EIF4EBP1: variants seen among roughly 807,000 people sequenced by gnomAD.
EIF4EBP1 encodes the protein eukaryotic translation initiation factor 4E binding protein 1, also known as eukaryotic translation initiation factor 4E-binding protein 1.
EIF4EBP1 carries 5 observed loss-of-function variants against 9.2 expected under a neutral mutation model. The ratio of observed to expected loss-of-function variants is 0.54; its 90% CI spans 0.28 to 1.14. EIF4EBP1 has a LOEUF of 1.14. Ranked by LOEUF, EIF4EBP1 falls within the 50% of genes most tolerant of loss-of-function variation. The pLI, the probability that EIF4EBP1 is intolerant of heterozygous loss-of-function variation, is 0.09. For missense variants in EIF4EBP1, 139 were observed against 169.6 expected (o/e 0.82, Z 1.00); for synonymous variants, 62 against 67.0 (o/e 0.93, Z 0.36).
At chr8:38,053,857 A>T (rs934791765) in intron 1 of EIF4EBP1, among the ~76,000 whole-genome samples, 9 of 152,208 alleles carry the variant, frequency 5.9e-5, no homozygotes, top group Admixed American at 3.3e-4. Context: ...AGTCAAATTC[A>T]GAGAGACAGA....
At chr8:38,041,128 A>C (rs908395654) in intron 1 of EIF4EBP1, among the ~76,000 whole-genome samples, 5 of 151,742 alleles carry the variant, frequency 3.3e-5, no homozygotes, top group African/African-American at 1.2e-4. Flanking sequence ...GTTTGACAGA[A>C]TCTGGCTCTG....
At chr8:38,032,168 A>G (rs1809234388) in intron 1 of EIF4EBP1, among the ~76,000 whole-genome samples, 1 of 151,656 alleles carries the variant, frequency 6.6e-6, no homozygotes, top group Admixed American at 6.6e-5. Flanking sequence ...CCTTTTTTGC[A>G]CTCTTTATTG....
intron 1 of EIF4EBP1, among the ~76,000 whole-genome samples, chr8:38,040,583 A>G (rs1809363840): frequency 6.6e-6 from 1 of 152,182 alleles, no homozygotes; most frequent in Non-Finnish European, 1.5e-5. Flanking sequence ...GGCTGCATAC[A>G]GTGTACAGCT....
At position 38,056,730 on chromosome 8, in the gene EIF4EBP1, A is replaced by G. The variant is rs191719354; in HGVS notation, c.146-351A>G. Among the ~76,000 whole-genome samples, 385 of 151,098 alleles carry G rather than the reference A, an allele frequency of 2.5e-3. 3 individuals are homozygous for G. Among genetic ancestry groups the G allele is most frequent in the African/African-American group, 9.1e-3 (375 of 41,092 alleles). On this transcript the variant is annotated intron_variant, in intron 1 of 2. Coordinates refer to ENST00000338825, the MANE Select transcript of EIF4EBP1 (RefSeq NM_004095.4). Reference sequence around the variant, plus strand: ...ACCCAGGCTGGTGTACAGTGGTGCAATCGGCTCACTGCAACCTCTGCCTCC... The same window carrying G: ...ACCCAGGCTGGTGTACAGTGGTGCAGTCGGCTCACTGCAACCTCTGCCTCC...
At chr8:38,048,505 C>T (rs895743210) in intron 1 of EIF4EBP1, among the ~76,000 whole-genome samples, 1 of 152,178 alleles carries the variant, frequency 6.6e-6, no homozygotes, top group Non-Finnish European at 1.5e-5. Context: ...AGGTCTTGCA[C>T]ACAGTTGGAC....
rs534611466 is a variant in EIF4EBP1, at chr8:38,053,507, C to T, written c.146-3574C>T. ...CTGGGATTACAGGTGTGTGCCACCA[C>T]GCCTGGCTAATTTTTGTATTTTTGG... On this transcript the variant is annotated intron_variant, in intron 1 of 2. Coordinates refer to ENST00000338825, the MANE Select transcript of EIF4EBP1 (RefSeq NM_004095.4). Among the ~76,000 whole-genome samples the T allele has an allele frequency of 5.3e-5, 8 of 152,290 alleles. No individual in the cohort carries two copies. In the South Asian group the frequency reaches 8.3e-4, roughly 16 times the overall value.
At chr8:38,036,432 G>A (rs557349693) in intron 1 of EIF4EBP1, among the ~76,000 whole-genome samples, 7 of 152,198 alleles carry the variant, frequency 4.6e-5, no homozygotes, top group African/African-American at 1.4e-4. Flanking sequence ...AGACTCACTC[G>A]AACGATTCTG....
chr8:38,046,587 A>C (rs1257369734), intron 1 of EIF4EBP1, among the ~76,000 whole-genome samples: 1 of 152,104 alleles, frequency 6.6e-6, no homozygotes, highest in Non-Finnish European at 1.5e-5. Flanking sequence ...TGTCACCTGG[A>C]CCCTGCAGGT....
At position 38,043,872 on chromosome 8, in the gene EIF4EBP1, C is replaced by T. The variant is rs531753429; in HGVS notation, c.145+13154C>T. 5.3e-5 allele frequency among the ~76,000 whole-genome samples: 8 copies of T among 152,216 alleles called. No individual in the cohort carries two copies. In the East Asian group the frequency reaches 1.5e-3, roughly 29 times the overall value. Reference sequence around the variant, plus strand: ...GCATCTCTCACCAGGATTTCCACCCCGGCAGTTCTGTCCTGCTTGTTAAAT... The same window carrying T: ...GCATCTCTCACCAGGATTTCCACCCTGGCAGTTCTGTCCTGCTTGTTAAAT... On this transcript the variant is annotated intron_variant, in intron 1 of 2. Transcript: ENST00000338825.
At chr8:38,037,332 T>A (rs938592744) in intron 1 of EIF4EBP1, among the ~76,000 whole-genome samples, 6 of 152,054 alleles carry the variant, frequency 3.9e-5, no homozygotes, top group African/African-American at 1.2e-4. Flanking sequence ...TTTATTTATT[T>A]TTGAGACTGA....
chr8:38,037,992 TG>T (rs1354297569), intron 1 of EIF4EBP1, among the ~76,000 whole-genome samples: 1 of 150,940 alleles, frequency 6.6e-6, no homozygotes, highest in Non-Finnish European at 1.5e-5. Flanking sequence ...CAGGCTGGTC[TG>T]GAACTCCTGG....
At chr8:38,036,939 T>C (rs1809311328) in intron 1 of EIF4EBP1, among the ~76,000 whole-genome samples, 1 of 151,494 alleles carries the variant, frequency 6.6e-6, no homozygotes, top group Non-Finnish European at 1.5e-5. Flanking sequence ...CATGCTCCAC[T>C]GTGCTTGGCC....
At position 38,030,613 on chromosome 8, in the gene EIF4EBP1, G is replaced by T; in HGVS notation, c.40G>T (p.Ala14Ser). 1.3e-6 allele frequency: 2 copies of T among 1,508,980 alleles called. No individual in the cohort carries two copies. Among genetic ancestry groups the T allele is most frequent in the Non-Finnish European group, 1.8e-6 (2 of 1,135,400 alleles). 93.5% of individuals were successfully genotyped at this position (1,508,980 alleles called of 1,614,324 possible). Residue 14 changes from alanine to serine, a missense_variant, in exon 1 of 3, where the codon GCC becomes TCC. Transcript: ENST00000338825. ...GSSCSQTPSR[A>S]IPATRRVVLG... ...CAGCTGCAGCCAGACCCCAAGCCGG[G>T]CCATCCCCGCCACTCGCCGGGTGGT...
At chr8:38,036,463 G>A (rs866348087) in intron 1 of EIF4EBP1, among the ~76,000 whole-genome samples, 117 of 152,118 alleles carry the variant, frequency 7.7e-4, no homozygotes, top group African/African-American at 2.5e-3. Flanking sequence ...GTGAAACTCC[G>A]TCTCAAAGAA....
At chr8:38,054,643 A>T (rs1258539880) in intron 1 of EIF4EBP1, among the ~76,000 whole-genome samples, 1 of 152,000 alleles carries the variant, frequency 6.6e-6, no homozygotes, top group Non-Finnish European at 1.5e-5. Context: ...TCTGGGGAGG[A>T]GAGATTGTAC....
chr8:38,059,771 A>AC, intron 2 of EIF4EBP1, 133 bp from the exon 3 acceptor site: 1 of 959,100 alleles, frequency 1.0e-6, no homozygotes, highest in South Asian at 1.5e-5. Flanking sequence ...AAAAAAACAA[A>AC]AAAACAAAAA....
At chr8:38,038,258 C>T (rs1252144428) in intron 1 of EIF4EBP1, among the ~76,000 whole-genome samples, 1 of 151,648 alleles carries the variant, frequency 6.6e-6, no homozygotes, top group Non-Finnish European at 1.5e-5. Context: ...CCTGTAATCC[C>T]AGCACTTTGG....
chr8:38,051,353 C>T (rs1184469565), intron 1 of EIF4EBP1, among the ~76,000 whole-genome samples: 2 of 152,168 alleles, frequency 1.3e-5, no homozygotes, highest in Admixed American at 6.5e-5. Flanking sequence ...GCTCTCCCTG[C>T]ATCCAGGTTG....
chr8:38,035,379 G>A (rs1174991170), intron 1 of EIF4EBP1, among the ~76,000 whole-genome samples: 13 of 151,544 alleles, frequency 8.6e-5, no homozygotes, highest in African/African-American at 2.2e-4. Context: ...CACCACACCC[G>A]GCTAATTTTT....
Sources: gnomAD v4.1 joint callset for allele counts (sites outside exome capture counted in the v4.1 genomes callset) on GRCh38, gnomAD v4.1.1 for gene constraint, MANE v1.5 for transcripts, NCBI Gene and HGNC (gene_info 2026-07-23, HGNC 2026-07-21) for gene names.